OPHN1: variants seen among roughly 807,000 people sequenced by gnomAD.
OPHN1 encodes oligophrenin-1.
A neutral mutation model predicts 60.7 loss-of-function variants in OPHN1; 11 were observed. The ratio of observed to expected loss-of-function variants is 0.18; its 90% CI spans 0.11 to 0.30. The LOEUF (loss-of-function observed/expected upper bound fraction) is 0.30. Among genes scored for constraint, OPHN1 ranks in the 10% least tolerant of loss-of-function variants. The pLI is 1.00. For synonymous variants in OPHN1, 226 were observed against 222.6 expected (o/e 1.02, Z -0.14); for missense variants, 449 against 611.0 (o/e 0.73, Z 2.80).
At chrX:68,066,378 T>A (rs932183739) in intron 20 of OPHN1, among the ~76,000 whole-genome samples, 7 of 111,378 alleles carry the variant, frequency 6.3e-5, no homozygotes, top group Non-Finnish European at 1.3e-4. Flanking sequence ...AGAGAGCCAA[T>A]CTTCATAAAG....
At chrX:68,288,596 T>A (rs1165394164) in intron 3 of OPHN1, among the ~76,000 whole-genome samples, 1 of 110,375 alleles carries the variant, frequency 9.1e-6, no homozygotes, top group Non-Finnish European at 1.9e-5. Context: ...GACCCCCGTC[T>A]CTACTAAAAA....
intron 15 of OPHN1, among the ~76,000 whole-genome samples, chrX:68,174,565 G>A (rs976863533): frequency 4.1e-5 from 4 of 96,717 alleles, no homozygotes; most frequent in East Asian, 3.4e-4. Context: ...TCGACCTCCC[G>A]TGCATAAGCA....
chrX:68,285,523 A>G (rs1205635661), intron 3 of OPHN1, among the ~76,000 whole-genome samples: 1 of 111,173 alleles, frequency 9.0e-6, no homozygotes, highest in Admixed American at 9.6e-5. Flanking sequence ...GTATCTCTAA[A>G]TTTAACTTCT....
At chrX:68,378,029 T>C (rs1200196338) in intron 2 of OPHN1, among the ~76,000 whole-genome samples, 8 of 112,134 alleles carry the variant, frequency 7.1e-5, no homozygotes, top group Non-Finnish European at 1.3e-4. Flanking sequence ...ATGGTTGAAC[T>C]AGTTTACAGT....
chrX:68,191,910 G>A (rs1424532879), intron 15 of OPHN1, among the ~76,000 whole-genome samples: 1 of 111,303 alleles, frequency 9.0e-6, no homozygotes, highest in Admixed American at 9.6e-5. Context: ...AAATCAAATT[G>A]ATCCACAAAT....
chrX:68,129,401 T>C (rs768997787), intron 15 of OPHN1, among the ~76,000 whole-genome samples: 2 of 111,931 alleles, frequency 1.8e-5, no homozygotes, highest in African/African-American at 6.5e-5. Context: ...AAGAGATTAA[T>C]TCATTGGGTC....
In OPHN1 at chrX:68,043,363, G is replaced by C. The variant is rs1295961949; in HGVS notation, c.*3809C>G. The C allele has an allele frequency of 1.2e-5, 1 of 83,128 alleles. No individual in the cohort carries two copies. The highest frequency in any genetic ancestry group is 2.2e-5 in the Non-Finnish European group (1 of 45,661). 6.9% of individuals were successfully genotyped at this position (83,128 alleles called of 1,213,427 possible). The stretch of plus-strand genomic sequence containing the variant: ...ATGTGCACATGTACCCTAAAACTTA[G>C]AGTATAATAAAAAAAAGAAAAAAAA... On this transcript the variant is annotated 3_prime_UTR_variant, in exon 25 of 25. Transcript: ENST00000355520.
At chrX:68,059,168 G>A (rs1201619292) in intron 21 of OPHN1, among the ~76,000 whole-genome samples, 1 of 111,521 alleles carries the variant, frequency 9.0e-6, no homozygotes, top group Non-Finnish European at 1.9e-5. Context: ...ACTTTGGTCC[G>A]AAACCTGGCT....
At chrX:68,203,344 C>G (rs191085366) in intron 10 of OPHN1, among the ~76,000 whole-genome samples, 9 of 111,840 alleles carry the variant, frequency 8.0e-5, no homozygotes, top group African/African-American at 2.6e-4. Flanking sequence ...ACTGTGGTAT[C>G]TCAAGTTAGG....
chrX:68,260,400 G>C (rs146333906), intron 5 of OPHN1, among the ~76,000 whole-genome samples: 1,149 of 110,385 alleles, frequency 0.01, 13 homozygotes, highest in African/African-American at 0.036. Flanking sequence ...TATATCCATT[G>C]AACTGGTGAC....
intron 12 of OPHN1, among the ~76,000 whole-genome samples, chrX:68,195,059 GAAGGAAGAAAGA>G (rs1479846493): frequency 7.1e-4 from 63 of 89,344 alleles, no homozygotes; most frequent in African/African-American, 3.4e-3. Context: ...AGGAAGGAAG[GAAGGAAGAAAGA>G]AAGAAAATAC....
At chrX:68,426,179 G>A (rs916364865) in intron 2 of OPHN1, among the ~76,000 whole-genome samples, 1 of 110,479 alleles carries the variant, frequency 9.1e-6, no homozygotes, top group African/African-American at 3.3e-5. Flanking sequence ...AGTGTCTCAC[G>A]CCTGTAATCC....
chrX:68,342,945 C>CGAAGAA (rs970175902), intron 2 of OPHN1, among the ~76,000 whole-genome samples: 1 of 108,915 alleles, frequency 9.2e-6, no homozygotes, highest in African/African-American at 3.4e-5. Context: ...GTCACGAAGA[C>CGAAGAA]GAAGAAGAAG....
intron 2 of OPHN1, among the ~76,000 whole-genome samples, chrX:68,313,520 G>T (rs1336047303): frequency 8.9e-6 from 1 of 111,951 alleles, no homozygotes; most frequent in Non-Finnish European, 1.9e-5. Context: ...CCATAAAAAA[G>T]AATGAAATCC....
intron 15 of OPHN1, among the ~76,000 whole-genome samples, chrX:68,186,830 T>C (rs1016133460): frequency 9.0e-6 from 1 of 111,046 alleles, no homozygotes; most frequent in African/African-American, 3.3e-5. Context: ...AGGGTATTTA[T>C]CCCATTCATG....
At chrX:68,208,102 C>A (rs1454222317) in intron 9 of OPHN1, among the ~76,000 whole-genome samples, 1 of 92,226 alleles carries the variant, frequency 1.1e-5, no homozygotes, top group Non-Finnish European at 2.2e-5. Context: ...TTCTTTTATT[C>A]ATTTTTGAGA....
chrX:68,062,489 T>C (rs922560982), intron 21 of OPHN1, among the ~76,000 whole-genome samples: 2 of 112,251 alleles, frequency 1.8e-5, no homozygotes, highest in Non-Finnish European at 3.8e-5. Flanking sequence ...ATTCTTAGCT[T>C]ACAGGCTATA....
At chrX:68,196,900 A>G (rs2077514987) in intron 12 of OPHN1, among the ~76,000 whole-genome samples, 1 of 112,164 alleles carries the variant, frequency 8.9e-6, no homozygotes, top group African/African-American at 3.2e-5. Context: ...AGAAAAGCTC[A>G]TGGGCATAGC....
Position 68,042,596 on chromosome X carries a change from T to C in OPHN1, c.*4576A>G, listed in dbSNP as rs1394797669. On this transcript the variant is annotated 3_prime_UTR_variant, in exon 25 of 25. Coordinates refer to ENST00000355520, the MANE Select transcript of OPHN1 (RefSeq NM_002547.3). ...GACACTTCTCAAAAGAAGACATTTA[T>C]GCAGCCAAAAAACACATGAAGAAAT... is the stretch of plus-strand genomic sequence containing the variant. 8 of 106,966 alleles carry C rather than the reference T, an allele frequency of 7.5e-5. No individual in the cohort carries two copies. The highest frequency in any genetic ancestry group is 7.1e-4 in the Admixed American group (7 of 9,907). 8.8% of individuals were successfully genotyped at this position (106,966 alleles called of 1,213,427 possible).
Sources: allele counts gnomAD v4.1 joint callset (sites outside exome capture counted in the v4.1 genomes callset), GRCh38; gene constraint gnomAD v4.1.1; transcripts MANE v1.5; gene names NCBI Gene and HGNC (gene_info 2026-07-23, HGNC 2026-07-21).